Variants in ZNF16 observed in about 807,000 individuals in gnomAD.
ZNF16 encodes the protein zinc finger protein 16, also known as zinc finger protein KOX9.
ZNF16 carries 7 observed loss-of-function variants against 9.0 expected under a neutral mutation model. The observed-to-expected ratio is 0.78, with a 90% confidence interval of 0.44 to 1.47. The LOEUF is 1.47. ZNF16 is among the 40% of genes most tolerant of loss of function. ZNF16 has a pLI of 0.01. For synonymous variants in ZNF16, 312 were observed against 301.5 expected (o/e 1.03, Z -0.36); for missense variants, 830 against 854.2 (o/e 0.97, Z 0.35).
intron 1 of ZNF16, among the ~76,000 whole-genome samples, chr8:144,948,810 A>G (rs1334993343): frequency 6.6e-6 from 1 of 152,200 alleles, no homozygotes; most frequent in African/African-American, 2.4e-5. Context: ...CACAGAATAA[A>G]TGCCCCCTCT....
chr8:144,946,640 GCTGTTGGGCCTGTGTCCTA>G (rs1394332986), intron 1 of ZNF16, among the ~76,000 whole-genome samples: 12 of 120,976 alleles, frequency 9.9e-5, no homozygotes, highest in East Asian at 2.7e-4. Context: ...CCTGTGTCCT[GCTGTTGGGCCTGTGTCCTA>G]CTGTGGGCCT....
At position 144,930,975 on chromosome 8, in the gene ZNF16, A is replaced by AGT. The variant is rs746032884; in HGVS notation, c.1811_1812insAC (p.Glu605LeufsTer18). The AGT allele has an allele frequency of 1.2e-6, 2 of 1,614,156 alleles. No individual in the cohort carries two copies. Among genetic ancestry groups the AGT allele is most frequent in the Non-Finnish European group, 1.7e-6 (2 of 1,180,018 alleles). On this transcript the variant is annotated frameshift_variant, in exon 3 of 3. Transcript: ENST00000394909. LOFTEE classifies it high-confidence loss of function. The stretch of plus-strand genomic sequence containing the variant: ...TCTGGCTGAAGCCCTTACCACATTC[A>AGT]ACACAGGTGTAGGGTTTTTCCCCAG...
chr8:144,949,935 G>A (rs935509886), intron 1 of ZNF16, among the ~76,000 whole-genome samples: 14 of 152,164 alleles, frequency 9.2e-5, no homozygotes, highest in Non-Finnish European at 1.9e-4. Context: ...TTGAGATAGA[G>A]GAAGGCCACT....
chr8:144,950,529 C>G (rs1834085721), intron 1 of ZNF16: 1 of 152,244 alleles, frequency 6.6e-6, no homozygotes, highest in Non-Finnish European at 1.5e-5. Flanking sequence ...TGGCTCGGCC[C>G]CTCGCGGCGA....
chr8:144,942,040 C>T lies in ZNF16; in HGVS notation c.196+3971G>A, dbSNP rs1404349064. 2.2e-4 allele frequency among the ~76,000 whole-genome samples: 31 copies of T among 142,914 alleles called. No homozygotes were observed. The South Asian group carries it at 5.0e-3, about 23-fold the overall frequency. The allele number at this position is 142,914 out of a possible 152,430, so 93.8% of individuals were successfully genotyped here. A position where few individuals can be genotyped will look rare whatever the true frequency, so the allele number is the denominator to read the frequency against. On this transcript the variant is annotated intron_variant, in intron 2 of 2. Transcript: ENST00000394909. ...TCTCCCAGGCTGGAGTGCAGTGGCG[C>T]GATCTTGGCTCATTGCAAGCTCCGT...
intron 1 of ZNF16, among the ~76,000 whole-genome samples, chr8:144,947,274 C>T (rs796651490): frequency 0.024 from 110 of 4,548 alleles, no homozygotes; most frequent in Non-Finnish European, 0.037. Context: ...GGGGCCTGTA[C>T]CCTGCTGTGG....
chr8:144,939,059 A>G (rs180745445), intron 2 of ZNF16, among the ~76,000 whole-genome samples: 6 of 152,278 alleles, frequency 3.9e-5, no homozygotes, highest in African/African-American at 1.2e-4. Flanking sequence ...CTTATGTTGA[A>G]CCACCCTTAT....
At chr8:144,942,055 G>T (rs542069399) in intron 2 of ZNF16, among the ~76,000 whole-genome samples, 169 of 143,824 alleles carry the variant, frequency 1.2e-3, no homozygotes, top group African/African-American at 4.3e-3. Context: ...TTGGCTCATT[G>T]CAAGCTCCGT....
chr8:144,940,223 C>G (rs1833769264), intron 2 of ZNF16, among the ~76,000 whole-genome samples: 1 of 152,074 alleles, frequency 6.6e-6, no homozygotes, highest in Admixed American at 6.6e-5. Context: ...GGACTACAAG[C>G]ACAAGCAACC....
At position 144,946,230 on chromosome 8, in the gene ZNF16, G is replaced by A; in HGVS notation, c.-9-15C>T. On this transcript the variant is annotated splice_polypyrimidine_tract_variant and intron_variant, in intron 1 of 2. Transcript: ENST00000394909. ...ATGACAAGGACCTGAAAACCGGCAA[G>A]AACACAGGTGAGTCTACAGACAGGC... The A allele has an allele frequency of 1.2e-5, 18 of 1,497,926 alleles. No homozygotes were observed. Among genetic ancestry groups the A allele is most frequent in the Non-Finnish European group, 1.5e-5 (17 of 1,118,850 alleles). The allele number at this position is 1,497,926 out of a possible 1,614,324, so 92.8% of individuals were successfully genotyped here. A position where few individuals can be genotyped will look rare whatever the true frequency, so the allele number is the denominator to read the frequency against.
chr8:144,950,142 A>T (rs1212732268), intron 1 of ZNF16, among the ~76,000 whole-genome samples: 3 of 152,202 alleles, frequency 2.0e-5, no homozygotes, highest in Middle Eastern at 3.4e-3. Context: ...CCATCCAGGC[A>T]TAGTACCTCC....
chr8:144,936,258 T>C (rs962837184), intron 2 of ZNF16, among the ~76,000 whole-genome samples: 1 of 152,238 alleles, frequency 6.6e-6, no homozygotes, highest in Non-Finnish European at 1.5e-5. Context: ...GTGCTTCCTT[T>C]TCATGGCTAA....
In ZNF16 at chr8:144,932,472, C is replaced by T. The variant is rs372682379; in HGVS notation, c.315G>A (p.Glu105=). The T allele has an allele frequency of 1.2e-6, 2 of 1,614,238 alleles. No individual in the cohort carries two copies. Among genetic ancestry groups the T allele is most frequent in the Non-Finnish European group, 1.7e-6 (2 of 1,180,056 alleles). The change falls in exon 3 of 3, where the codon GAG becomes GAA. Residue 105 remains glutamate, a synonymous_variant. Coordinates refer to ENST00000394909, the MANE Select transcript of ZNF16 (RefSeq NM_006958.3). The surrounding 1 kb of genome is among the most constrained non-coding windows in gnomAD (Gnocchi z 5.0). ...NYAGDVSQVP[E]LGDLCDDVSE... Reference sequence around the variant, plus strand: ...ATACATCATCACACAGATCTCCAAGCTCGGGTACCTGGGAAACATCACCAG... The same window carrying T: ...ATACATCATCACACAGATCTCCAAGTTCGGGTACCTGGGAAACATCACCAG...
Position 144,932,609 on chromosome 8 carries a change from T to C in ZNF16, c.197-19A>G, listed in dbSNP as rs1833584871. 6.2e-7 allele frequency: 1 copy of C among 1,601,354 alleles called. No individual in the cohort carries two copies. The highest frequency in any genetic ancestry group is 8.5e-7 in the Non-Finnish European group (1 of 1,174,014). ...TCACAATCTGAAACAATAAATAGAATATCACTTGGAAGGCAGTGCTGCAGC... is the reference window on the plus strand; with the variant it reads ...TCACAATCTGAAACAATAAATAGAACATCACTTGGAAGGCAGTGCTGCAGC... On this transcript the variant is annotated intron_variant, in intron 2 of 2. Transcript: ENST00000394909. This position sits in a 1 kb window ranked among gnomAD's most constrained non-coding sequence, Gnocchi z 5.0.
chr8:144,949,586 T>C (rs1431130464), intron 1 of ZNF16, among the ~76,000 whole-genome samples: 1 of 152,226 alleles, frequency 6.6e-6, no homozygotes, highest in African/African-American at 2.4e-5. Context: ...CCAGCCACTT[T>C]GCCACAACTT....
Position 144,943,015 on chromosome 8 carries a change from T to C in ZNF16, c.196+2996A>G, listed in dbSNP as rs181157816. Among the ~76,000 whole-genome samples the C allele has an allele frequency of 2.5e-3, 377 of 152,342 alleles. 2 individuals carry two copies. Among genetic ancestry groups the C allele is most frequent in the African/African-American group, 8.7e-3 (361 of 41,590 alleles). The stretch of plus-strand genomic sequence containing the variant: ...ACCTTCAGGACTCCCTTTAAAAGCA[T>C]TCCTTGTGGGGCAGTCTATTTGTAA... On this transcript the variant is annotated intron_variant, in intron 2 of 2. Transcript: ENST00000394909.
chr8:144,950,842 A>G lies in ZNF16; in HGVS notation c.-55T>C, dbSNP rs1468834619. 2 of 152,236 alleles carry G rather than the reference A, an allele frequency of 1.3e-5. No individual in the cohort carries two copies. Among genetic ancestry groups the G allele is most frequent in the Non-Finnish European group, 2.9e-5 (2 of 68,100 alleles). 9.4% of individuals were successfully genotyped at this position (152,236 alleles called of 1,614,324 possible). On this transcript the variant is annotated 5_prime_UTR_variant, in exon 1 of 3. Transcript: ENST00000394909. ...AAGGAGGCAGCACCGTGGCACGAAG[A>G]CGTCTCAGCCAACGCCGGCTGACCC...
chr8:144,942,030 T>C (rs1833811955), intron 2 of ZNF16, among the ~76,000 whole-genome samples: 1 of 144,890 alleles, frequency 6.9e-6, no homozygotes, highest in Non-Finnish European at 1.5e-5. Context: ...CAGGCTGGAG[T>C]GCAGTGGCGC....
chr8:144,945,015 T>C (rs1269501787), intron 2 of ZNF16: 1 of 152,204 alleles, frequency 6.6e-6, no homozygotes, highest in Non-Finnish European at 1.5e-5. Flanking sequence ...GCCTAGAGAT[T>C]AGACAGAGTT....
Sources: allele counts gnomAD v4.1 joint callset (sites outside exome capture counted in the v4.1 genomes callset), GRCh38; gene constraint gnomAD v4.1.1; non-coding constraint Gnocchi (gnomAD v3.1); transcripts MANE v1.5; gene names NCBI Gene and HGNC (gene_info 2026-07-23, HGNC 2026-07-21).